The following PTPRO variants were observed in gnomAD, a reference collection of about 807,000 sequenced individuals.
PTPRO encodes receptor-type tyrosine-protein phosphatase O.
In PTPRO, 62 loss-of-function variants were observed where a neutral mutation model predicts 145.2. The ratio of observed to expected loss-of-function variants is 0.43; its 90% CI spans 0.35 to 0.53. The LOEUF (loss-of-function observed/expected upper bound fraction) is 0.53. PTPRO is among the 20% of genes least tolerant of loss of function. PTPRO has a pLI of 0.01. For synonymous variants in PTPRO, 565 were observed against 514.7 expected (o/e 1.10, Z -1.32); for missense variants, 1,345 against 1,482.7 (o/e 0.91, Z 1.53).
intron 1 of PTPRO, among the ~76,000 whole-genome samples, chr12:15,451,891 T>A (rs938694207): frequency 6.6e-6 from 1 of 151,580 alleles, no homozygotes; most frequent in East Asian, 1.9e-4. Flanking sequence ...CATCAAAGAG[T>A]CTGAAAGAGC....
intron 1 of PTPRO, among the ~76,000 whole-genome samples, chr12:15,357,981 C>A (rs1169540802): frequency 6.6e-6 from 1 of 151,042 alleles, no homozygotes; most frequent in Non-Finnish European, 1.5e-5. Flanking sequence ...GACTTGGAAC[C>A]AACCCAAATG....
chr12:15,489,425 A>C (rs1941954890), intron 2 of PTPRO, among the ~76,000 whole-genome samples: 1 of 152,190 alleles, frequency 6.6e-6, no homozygotes, highest in Admixed American at 6.5e-5. Context: ...CATCCTTAAC[A>C]AGGGGGTGGA....
chr12:15,398,495 A>C (rs1022668973), intron 1 of PTPRO, among the ~76,000 whole-genome samples: 16 of 152,086 alleles, frequency 1.1e-4, no homozygotes, highest in South Asian at 1.0e-3. Context: ...AAAAAAAAAA[A>C]CAACTCTCCG....
chr12:15,490,265 T>G (rs1023424022), intron 2 of PTPRO, among the ~76,000 whole-genome samples: 5 of 152,182 alleles, frequency 3.3e-5, no homozygotes, highest in African/African-American at 1.2e-4. Flanking sequence ...AATCTTAGTT[T>G]TCAAATCTAC....
At chr12:15,457,892 G>C (rs253802) in intron 1 of PTPRO, among the ~76,000 whole-genome samples, 111,501 of 152,108 alleles carry the variant, frequency 0.73, 41,690 homozygotes, top group South Asian at 0.83. Flanking sequence ...AATTTACACA[G>C]CACCATTACA....
intron 1 of PTPRO, among the ~76,000 whole-genome samples, chr12:15,409,488 C>T (rs1029581917): frequency 2.6e-5 from 4 of 152,110 alleles, no homozygotes; most frequent in African/African-American, 4.8e-5. Context: ...ATTCTTCCAT[C>T]GTCTTATATA....
intron 1 of PTPRO, among the ~76,000 whole-genome samples, chr12:15,448,036 G>A (rs1249065799): frequency 6.6e-6 from 1 of 152,028 alleles, no homozygotes; most frequent in African/African-American, 2.4e-5. Flanking sequence ...ATTCCAAATG[G>A]CATTTACTTG....
At chr12:15,411,513 A>C (rs1411822793) in intron 1 of PTPRO, among the ~76,000 whole-genome samples, 1 of 152,234 alleles carries the variant, frequency 6.6e-6, no homozygotes, top group Non-Finnish European at 1.5e-5. Context: ...AGAAGCTGAA[A>C]GCAAAGTAGT....
At chr12:15,429,889 G>A (rs771939446) in intron 1 of PTPRO, among the ~76,000 whole-genome samples, 14 of 152,062 alleles carry the variant, frequency 9.2e-5, no homozygotes, top group Non-Finnish European at 1.5e-4. Flanking sequence ...ATTTAGATAC[G>A]AAAGAGTGAA....
At chr12:15,405,670 G>C (rs572436462) in intron 1 of PTPRO, among the ~76,000 whole-genome samples, 79 of 152,272 alleles carry the variant, frequency 5.2e-4, no homozygotes, top group African/African-American at 1.9e-3. Context: ...ATTCCCATCT[G>C]ACTGTACAAA....
intron 1 of PTPRO, among the ~76,000 whole-genome samples, chr12:15,369,015 AG>A (rs554532616): frequency 1.3e-5 from 2 of 152,180 alleles, no homozygotes; most frequent in Non-Finnish European, 2.9e-5. Flanking sequence ...TCACTGAGGA[AG>A]CCTGTTAGAT....
intron 1 of PTPRO, among the ~76,000 whole-genome samples, chr12:15,434,798 T>A (rs1303600239): frequency 6.6e-6 from 1 of 152,196 alleles, no homozygotes; most frequent in Non-Finnish European, 1.5e-5. Context: ...GGATGTTCAA[T>A]GAATCACTGA....
intron 1 of PTPRO, among the ~76,000 whole-genome samples, chr12:15,368,609 A>T (rs1938433676): frequency 2.0e-5 from 3 of 152,254 alleles, no homozygotes; most frequent in Admixed American, 6.5e-5. Flanking sequence ...TGCATTTGAA[A>T]GGAATGAATC....
rs185509950 is a variant in PTPRO at position 15,458,160 on chromosome 12, A to G, written c.76-25814A>G. 4.3e-4 allele frequency among the ~76,000 whole-genome samples: 66 copies of G among 152,196 alleles called. No individual in the cohort carries two copies. In the East Asian group the frequency reaches 0.011, roughly 25 times the overall value. On this transcript the variant is annotated intron_variant, in intron 1 of 26. Coordinates refer to ENST00000281171, the MANE Select transcript of PTPRO (RefSeq NM_030667.3). ...TTAGTTGACAGATTTTTTTTCTTTC[A>G]GCACTTTTAATATATCATCCTGCTC...
At chr12:15,576,354 C>T (rs144135756) in intron 19 of PTPRO, among the ~76,000 whole-genome samples, 76 of 152,304 alleles carry the variant, frequency 5.0e-4, no homozygotes, top group African/African-American at 9.4e-4. Flanking sequence ...AGTGTTCAGC[C>T]AATTAAACCT....
intron 1 of PTPRO, among the ~76,000 whole-genome samples, chr12:15,460,313 C>T (rs561836325): frequency 3.3e-5 from 5 of 152,228 alleles, no homozygotes; most frequent in East Asian, 1.9e-4. Flanking sequence ...AATTGCAGGC[C>T]GTATCCCAGA....
intron 1 of PTPRO, among the ~76,000 whole-genome samples, chr12:15,343,225 G>A (rs1867065251): frequency 6.6e-6 from 1 of 151,932 alleles, no homozygotes; most frequent in Non-Finnish European, 1.5e-5. Context: ...TATGAAAATA[G>A]ATACAAGGTA....
intron 1 of PTPRO, among the ~76,000 whole-genome samples, chr12:15,465,767 A>G (rs1941401773): frequency 6.6e-6 from 1 of 152,186 alleles, no homozygotes; most frequent in Non-Finnish European, 1.5e-5. Flanking sequence ...TTGGCTATTT[A>G]ATGGGGTTCA....
intron 12 of PTPRO, among the ~76,000 whole-genome samples, chr12:15,538,069 G>T (rs1406761374): frequency 6.6e-6 from 1 of 152,074 alleles, no homozygotes; most frequent in Admixed American, 6.5e-5. Context: ...TGCAAGCATT[G>T]TTTTCTGATT....
Sources: gnomAD v4.1 joint callset for allele counts (sites outside exome capture counted in the v4.1 genomes callset) on GRCh38, gnomAD v4.1.1 for gene constraint, MANE v1.5 for transcripts, NCBI Gene and HGNC (gene_info 2026-07-23, HGNC 2026-07-21) for gene names.